SLCO5A1: variants seen among roughly 807,000 people sequenced by gnomAD.
SLCO5A1 encodes the protein organic anion transporter polypeptide-related protein 4.
A neutral mutation model predicts 65.1 loss-of-function variants in SLCO5A1; 39 were observed. The ratio of observed to expected loss-of-function variants is 0.60; its 90% confidence interval spans 0.46 to 0.78. SLCO5A1 has a LOEUF of 0.78. Ranked by LOEUF, SLCO5A1 falls within the 30% of genes least tolerant of loss-of-function variation. The pLI is 0.00. For synonymous variants in SLCO5A1, 438 were observed against 415.7 expected (o/e 1.05, Z -0.65); for missense variants, 1,029 against 1,069.4 (o/e 0.96, Z 0.53).
chr8:69,694,666 C>T (rs1814422771), intron 6 of SLCO5A1, among the ~76,000 whole-genome samples: 2 of 152,212 alleles, frequency 1.3e-5, no homozygotes, highest in African/African-American at 4.8e-5. Flanking sequence ...AGTGGCACGC[C>T]TATACAGCCG....
chr8:69,733,994 T>C (rs1227731018), intron 5 of SLCO5A1, among the ~76,000 whole-genome samples: 1 of 151,622 alleles, frequency 6.6e-6, no homozygotes, highest in Non-Finnish European at 1.5e-5. Context: ...AGAAAGACCA[T>C]GAGCAGGGAG....
intron 5 of SLCO5A1, among the ~76,000 whole-genome samples, chr8:69,733,400 T>C (rs1481727504): frequency 1.3e-5 from 2 of 152,092 alleles, no homozygotes; most frequent in Non-Finnish European, 2.9e-5. Context: ...TATCCTCAAG[T>C]TACAGATAAA....
At chr8:69,754,561 T>G (rs1263636672) in intron 4 of SLCO5A1, among the ~76,000 whole-genome samples, 1 of 152,208 alleles carries the variant, frequency 6.6e-6, no homozygotes, top group Admixed American at 6.5e-5. Context: ...CTTCATAATT[T>G]ATATCAAAAA....
chr8:69,692,706 G>T (rs1814324667), intron 6 of SLCO5A1, among the ~76,000 whole-genome samples: 1 of 152,052 alleles, frequency 6.6e-6, no homozygotes, highest in African/African-American at 2.4e-5. Context: ...CCTACACAGG[G>T]TCAGGATCAT....
intron 2 of SLCO5A1, among the ~76,000 whole-genome samples, chr8:69,823,175 T>C (rs769227216): frequency 1.2e-4 from 18 of 152,178 alleles, no homozygotes; most frequent in Non-Finnish European, 2.2e-4. Context: ...TAATTACAAA[T>C]TATGGTCTAC....
chr8:69,699,658 A>G (rs1469265854), intron 6 of SLCO5A1, among the ~76,000 whole-genome samples: 2 of 152,222 alleles, frequency 1.3e-5, no homozygotes, highest in African/African-American at 4.8e-5. Flanking sequence ...AACACAATCA[A>G]GACGGCAAAA....
Position 69,832,150 on chromosome 8 carries a change from T to C in SLCO5A1, c.524A>G (p.Asp175Gly). The C allele has an allele frequency of 6.2e-7, 1 of 1,614,104 alleles. No homozygotes were observed. Among genetic ancestry groups the C allele is most frequent in the East Asian group, 2.2e-5 (1 of 44,878 alleles). ...CACCACCACCACCAGGTTCCCGATGTCAAAGCAGCTGACCAGCAGCCCCGA... is the reference window on the plus strand; with the variant it reads ...CACCACCACCACCAGGTTCCCGATGCCAAAGCAGCTGACCAGCAGCCCCGA... ...SESGLLVSCF[D>G]IGNLVVVVFV... Residue 175 changes from aspartate (D) to glycine (G), a missense_variant, in exon 2 of 10, where the codon GAC becomes GGC. Asp to Gly is a moderately conservative substitution (Grantham distance 94). Coordinates refer to ENST00000260126, the MANE Select transcript of SLCO5A1 (RefSeq NM_030958.3). This position sits in a 1 kb window ranked among gnomAD's most constrained non-coding sequence, Gnocchi z 4.5.
chr8:69,792,448 C>T (rs1317647359), intron 2 of SLCO5A1, among the ~76,000 whole-genome samples: 1 of 152,038 alleles, frequency 6.6e-6, no homozygotes, highest in Non-Finnish European at 1.5e-5. Flanking sequence ...CTTTCAATGT[C>T]GAGCCAGGAA....
intron 2 of SLCO5A1, among the ~76,000 whole-genome samples, chr8:69,812,306 T>A (rs1324247876): frequency 1.3e-5 from 2 of 152,162 alleles, no homozygotes; most frequent in Admixed American, 6.5e-5. Context: ...ACAGCTTAGA[T>A]TAGAAACCAT....
intron 2 of SLCO5A1, among the ~76,000 whole-genome samples, chr8:69,767,907 A>AC (rs1563712245): frequency 7.2e-6 from 1 of 139,364 alleles, no homozygotes; most frequent in East Asian, 2.0e-4. Flanking sequence ...AAAAAAAAAA[A>AC]AAAACAAAAA....
chr8:69,672,733 T>C lies in SLCO5A1; in HGVS notation c.*136A>G. 2.2e-6 allele frequency: 2 copies of C among 911,792 alleles called. No individual in the cohort carries two copies. Among genetic ancestry groups the C allele is most frequent in the Non-Finnish European group, 3.2e-6 (2 of 622,008 alleles). 56.5% of individuals were successfully genotyped at this position (911,792 alleles called of 1,614,324 possible). ...CAGCCCTCAATGAATAGCGGCTGTG[T>C]ATACTGAGTTTTGTTGGTTTGAGGA... On this transcript the variant is annotated 3_prime_UTR_variant, in exon 10 of 10. Transcript: ENST00000260126.
intron 4 of SLCO5A1, among the ~76,000 whole-genome samples, chr8:69,754,830 C>A (rs983985956): frequency 6.6e-6 from 1 of 152,030 alleles, no homozygotes; most frequent in Non-Finnish European, 1.5e-5. Flanking sequence ...TTTTACACTG[C>A]ATTTGGAGGT....
intron 5 of SLCO5A1, among the ~76,000 whole-genome samples, chr8:69,707,255 A>G (rs1815013317): frequency 6.6e-6 from 1 of 152,206 alleles, no homozygotes; most frequent in South Asian, 2.1e-4. Flanking sequence ...ACAATAAAAT[A>G]ATTATACAAA....
intron 2 of SLCO5A1, among the ~76,000 whole-genome samples, chr8:69,774,308 T>G (rs1818470561): frequency 6.6e-6 from 1 of 152,126 alleles, no homozygotes; most frequent in African/African-American, 2.4e-5. Context: ...CCCACCCCAA[T>G]AGAGTCCTTG....
Position 69,726,514 on chromosome 8 carries a change from T to TG in SLCO5A1, c.1423+11525dup, listed in dbSNP as rs1554613254. ...CTACCTCCTTTTTTTTTTTTTTTTT[T>TG]GGGGGGACAGAGTCTCACTCTGTTG... On this transcript the variant is annotated intron_variant, in intron 5 of 9. Transcript: ENST00000260126. Among the ~76,000 whole-genome samples, 947 of 137,318 alleles carry TG rather than the reference T, an allele frequency of 6.9e-3. 17 individuals are homozygous for TG. The highest frequency in any genetic ancestry group is 0.022 in the African/African-American group (794 of 36,722). The allele number at this position is 137,318 out of a possible 152,430, so 90.1% of individuals were successfully genotyped here. A position where few individuals can be genotyped will look rare whatever the true frequency, so the allele number is the denominator to read the frequency against.
intron 5 of SLCO5A1, among the ~76,000 whole-genome samples, chr8:69,718,487 C>A (rs1815661359): frequency 6.6e-6 from 1 of 152,164 alleles, no homozygotes; most frequent in African/African-American, 2.4e-5. Flanking sequence ...GAGAAACAAT[C>A]CAGTCTGTCA....
At chr8:69,719,057 C>G (rs144878565) in intron 5 of SLCO5A1, among the ~76,000 whole-genome samples, 3 of 152,238 alleles carry the variant, frequency 2.0e-5, no homozygotes, top group African/African-American at 7.2e-5. Flanking sequence ...CCCATCTATT[C>G]AGTAAAGAAA....
intron 2 of SLCO5A1, among the ~76,000 whole-genome samples, chr8:69,822,984 C>A (rs1397236017): frequency 6.6e-6 from 1 of 152,186 alleles, no homozygotes; most frequent in Non-Finnish European, 1.5e-5. Flanking sequence ...GATGGCTGAA[C>A]CATGCCAATC....
chr8:69,804,983 T>C (rs1435050726), intron 2 of SLCO5A1, among the ~76,000 whole-genome samples: 1 of 152,168 alleles, frequency 6.6e-6, no homozygotes, highest in South Asian at 2.1e-4. Context: ...GATAAATATG[T>C]TCACAAACCA....
Sources: allele counts gnomAD v4.1 joint callset (sites outside exome capture counted in the v4.1 genomes callset), GRCh38; gene constraint gnomAD v4.1.1; non-coding constraint Gnocchi (gnomAD v3.1); transcripts MANE v1.5; gene names NCBI Gene and HGNC (gene_info 2026-07-23, HGNC 2026-07-21).